Variants in BCL2L13 observed in about 807,000 individuals in gnomAD.
BCL2L13 encodes the protein bcl-2-like protein 13.
A neutral mutation model predicts 25.8 loss-of-function variants in BCL2L13; 13 were observed. The observed-to-expected ratio is 0.50, with a 90% CI of 0.33 to 0.80. BCL2L13 has a LOEUF of 0.80. Among genes scored for constraint, BCL2L13 ranks in the 30% least tolerant of loss-of-function variants. The pLI is 0.02. For synonymous variants in BCL2L13, 244 were observed against 230.3 expected, an observed-to-expected ratio of 1.06 and a Z score of -0.54; for missense variants, 504 against 574.9, an observed-to-expected ratio of 0.88 and a Z score of 1.26.
chr22:17,650,208 G>A (rs918689913), intron 1 of BCL2L13, among the ~76,000 whole-genome samples: 18 of 152,072 alleles, frequency 1.2e-4, no homozygotes, highest in African/African-American at 2.4e-4. Flanking sequence ...ATGTTACTAC[G>A]TTTGACACAG....
chr22:17,654,847 G>A (rs965363553), intron 1 of BCL2L13, among the ~76,000 whole-genome samples: 1 of 151,878 alleles, frequency 6.6e-6, no homozygotes. Context: ...TCAGCTTCCT[G>A]AGTAACTGGG....
chr22:17,664,006 G>T (rs1375763830), intron 2 of BCL2L13, among the ~76,000 whole-genome samples: 1 of 152,152 alleles, frequency 6.6e-6, no homozygotes, highest in Non-Finnish European at 1.5e-5. Flanking sequence ...GCGCCACCAT[G>T]CCTGGCTAAT....
At chr22:17,673,361 CTTTTT>C (rs35861622) in intron 2 of BCL2L13, among the ~76,000 whole-genome samples, 3 of 115,504 alleles carry the variant, frequency 2.6e-5, no homozygotes, top group Non-Finnish European at 5.3e-5. Context: ...TCTTTTCTTT[CTTTTT>C]TTTTTTTTTT....
intron 4 of BCL2L13, among the ~76,000 whole-genome samples, chr22:17,691,507 A>G (rs1005345096): frequency 6.6e-6 from 1 of 152,156 alleles, no homozygotes; most frequent in Admixed American, 6.5e-5. Flanking sequence ...TTAGCCCAGC[A>G]TGGTGGTGGG....
At chr22:17,673,915 A>G (rs2059495667) in intron 2 of BCL2L13, among the ~76,000 whole-genome samples, 1 of 152,096 alleles carries the variant, frequency 6.6e-6, no homozygotes, top group African/African-American at 2.4e-5. Context: ...GTACATATAA[A>G]TCTTTACGTT....
chr22:17,647,139 A>G (rs1028410060), intron 1 of BCL2L13, among the ~76,000 whole-genome samples: 2 of 150,668 alleles, frequency 1.3e-5, no homozygotes, highest in African/African-American at 2.4e-5. Context: ...ACGCCTGGCT[A>G]ATTTTTTTGT....
intron 4 of BCL2L13, among the ~76,000 whole-genome samples, chr22:17,691,140 TA>T (rs2031835235): frequency 1.3e-5 from 2 of 152,144 alleles, no homozygotes; most frequent in African/African-American, 4.8e-5. Context: ...GTGCTAAGAT[TA>T]CAGGTGTGAG....
chr22:17,645,828 CTT>C (rs2058454471), intron 1 of BCL2L13, among the ~76,000 whole-genome samples: 2 of 151,340 alleles, frequency 1.3e-5, no homozygotes, highest in African/African-American at 4.9e-5. Context: ...AGTTGGCCCT[CTT>C]TATCCAGTTT....
intron 2 of BCL2L13, among the ~76,000 whole-genome samples, chr22:17,663,617 C>G (rs1251611664): frequency 2.0e-5 from 3 of 149,066 alleles, no homozygotes; most frequent in Non-Finnish European, 4.5e-5. Context: ...TTTACATGTT[C>G]TATATTTCAT....
At chr22:17,689,240 G>A in intron 4 of BCL2L13, 98 bp downstream of exon 4, 1 of 1,040,160 alleles carries the variant, frequency 9.6e-7, no homozygotes, top group Non-Finnish European at 1.3e-6. Context: ...GGTGAACAGT[G>A]TCACTTCTTT....
rs561225597 is a variant in BCL2L13, at chr22:17,691,336, G to A, written c.386+2194G>A. Among the ~76,000 whole-genome samples, 507 of 135,456 alleles carry A rather than the reference G, an allele frequency of 3.7e-3. 3 individuals are homozygous for A. The highest frequency in any genetic ancestry group is 4.6e-3 in the Admixed American group (55 of 12,024). 88.9% of individuals were successfully genotyped at this position (135,456 alleles called of 152,430 possible). ...GGAGTAAAATAATGAAGTGAAAGGT[G>A]CAGACTTTTAAAATAATCTTTTTGT... On this transcript the variant is annotated intron_variant, in intron 4 of 6. Coordinates refer to ENST00000317582, the MANE Select transcript of BCL2L13 (RefSeq NM_015367.4).
At chr22:17,650,114 C>T (rs2058632529) in intron 1 of BCL2L13, among the ~76,000 whole-genome samples, 1 of 151,870 alleles carries the variant, frequency 6.6e-6, no homozygotes, top group Non-Finnish European at 1.5e-5. Flanking sequence ...AGGTGATCTG[C>T]CCGTCTCAGC....
chr22:17,675,768 C>T (rs1011218618), intron 2 of BCL2L13, among the ~76,000 whole-genome samples: 1 of 152,118 alleles, frequency 6.6e-6, no homozygotes, highest in Non-Finnish European at 1.5e-5. Context: ...TAAAACTTCC[C>T]CAATCAATTT....
chr22:17,699,272 G>A (rs897063106), intron 5 of BCL2L13, among the ~76,000 whole-genome samples: 3 of 152,082 alleles, frequency 2.0e-5, no homozygotes, highest in Admixed American at 6.6e-5. Flanking sequence ...GTCACAGAAG[G>A]GTTAAATAGA....
intron 6 of BCL2L13, chr22:17,706,662 A>T (rs967169158): frequency 2.1e-5 from 27 of 1,293,970 alleles, no homozygotes; most frequent in African/African-American, 3.0e-5. Context: ...TTTGACTTTT[A>T]TTTGCCCTGC....
chr22:17,680,104 C>G (rs1359589123), intron 2 of BCL2L13, among the ~76,000 whole-genome samples: 2 of 150,972 alleles, frequency 1.3e-5, no homozygotes, highest in East Asian at 3.9e-4. Context: ...ATTCCAGCTA[C>G]TCGGGAGGGT....
intron 4 of BCL2L13, among the ~76,000 whole-genome samples, chr22:17,692,845 T>C (rs1460117101): frequency 6.6e-6 from 1 of 152,250 alleles, no homozygotes; most frequent in African/African-American, 2.4e-5. Context: ...TGTAAAATTT[T>C]TAATATTTTA....
intron 3 of BCL2L13, chr22:17,684,540 A>C: frequency 2.2e-6 from 1 of 453,548 alleles, no homozygotes; most frequent in South Asian, 1.6e-5. Context: ...AAATATACAT[A>C]AATAGAATAG....
At chr22:17,701,797 A>T (rs528247242) in intron 5 of BCL2L13, among the ~76,000 whole-genome samples, 2 of 151,934 alleles carry the variant, frequency 1.3e-5, no homozygotes, top group East Asian at 3.9e-4. Flanking sequence ...GTCATGGCGT[A>T]CACTTGTAAT....
Sources: gnomAD v4.1 joint callset for allele counts (sites outside exome capture counted in the v4.1 genomes callset) on GRCh38, gnomAD v4.1.1 for gene constraint, MANE v1.5 for transcripts, NCBI Gene and HGNC (gene_info 2026-07-23, HGNC 2026-07-21) for gene names.